Variants in RBFOX1 observed in about 807,000 individuals in gnomAD.
The protein encoded by RBFOX1 is RNA binding protein fox-1 homolog 1.
A neutral mutation model predicts 57.7 loss-of-function variants in RBFOX1; 8 were observed. The ratio of observed to expected loss-of-function variants is 0.14; its 90% CI spans 0.08 to 0.25. RBFOX1 has a LOEUF of 0.25. RBFOX1 is among the 10% of genes least tolerant of loss of function. The pLI, the probability that RBFOX1 is intolerant of heterozygous loss-of-function variation, is 1.00. For missense variants in RBFOX1, 611 were observed against 548.5 expected (o/e 1.11, Z -1.14); for synonymous variants, 326 against 222.4 (o/e 1.47, Z -4.15).
chr16:6,722,781 C>T (rs1031620101), intron 3 of RBFOX1, among the ~76,000 whole-genome samples: 27 of 152,176 alleles, frequency 1.8e-4, no homozygotes, highest in Admixed American at 9.8e-4. Flanking sequence ...GGCATATCTT[C>T]ATTTTTACAT....
chr16:6,839,614 G>GGT (rs1416214461), intron 3 of RBFOX1, among the ~76,000 whole-genome samples: 1 of 152,092 alleles, frequency 6.6e-6, no homozygotes, highest in African/African-American at 2.4e-5. Context: ...CGGGGACCTT[G>GGT]GTAGGTATTT....
intron 13 of RBFOX1, among the ~76,000 whole-genome samples, chr16:7,665,285 C>T (rs549678651): frequency 2.6e-5 from 4 of 152,230 alleles, no homozygotes; most frequent in South Asian, 4.1e-4. Context: ...CTCAAGTTCT[C>T]GATATGTTCT....
rs552568132 is a variant in RBFOX1, at chr16:7,506,184, CAAAAAAAAAAAAAAAA to C, written c.28-11945_28-11930del. 8.6e-4 allele frequency among the ~76,000 whole-genome samples: 43 copies of C among 49,952 alleles called. No individual in the cohort carries two copies. In the South Asian group the frequency reaches 0.015, roughly 18 times the overall value. 32.8% of individuals were successfully genotyped at this position (49,952 alleles called of 152,430 possible). On this transcript the variant is annotated intron_variant, in intron 4 of 15. Transcript: ENST00000550418. ...TGGGTGACAGAGCAAGACTCTGTCT[CAAAAAAAAAAAAAAAA>C]AAAAAAAAAAAAAAAAATTTCTGTA... is the stretch of plus-strand genomic sequence containing the variant.
chr16:5,969,226 A>G (rs1405280828), intron 4 of RBFOX1, among the ~76,000 whole-genome samples: 1 of 148,206 alleles, frequency 6.7e-6, no homozygotes, highest in Non-Finnish European at 1.5e-5. Flanking sequence ...ATCTGTAGAG[A>G]TTTTAGTCTG....
At chr16:7,671,187 T>G (rs1015379980) in intron 13 of RBFOX1, among the ~76,000 whole-genome samples, 1 of 152,228 alleles carries the variant, frequency 6.6e-6, no homozygotes, top group Non-Finnish European at 1.5e-5. Flanking sequence ...TCCTTAGATA[T>G]TCCAGAAAAT....
rs552541887 is a variant in RBFOX1 at position 6,230,786 on chromosome 16, T to A, written c.-126-86209T>A. On this transcript the variant is annotated intron_variant, in intron 1 of 15. Transcript: ENST00000550418. ...CTGGGAGATGAAGTCCAAGGACATT[T>A]TTAGATATGGATACGCATAGTACAA... is the stretch of plus-strand genomic sequence containing the variant. 2.0e-5 allele frequency among the ~76,000 whole-genome samples: 3 copies of A among 152,328 alleles called. No individual in the cohort carries two copies. The South Asian group carries it at 6.2e-4, about 32-fold the overall frequency.
At chr16:6,694,995 A>T (rs1028553529) in intron 3 of RBFOX1, among the ~76,000 whole-genome samples, 2 of 151,792 alleles carry the variant, frequency 1.3e-5, no homozygotes, top group Non-Finnish European at 2.9e-5. Context: ...GAAAAAAATG[A>T]CACATAGACA....
intron 1 of RBFOX1, among the ~76,000 whole-genome samples, chr16:5,448,295 T>G (rs1477111481): frequency 6.6e-6 from 1 of 152,082 alleles, no homozygotes; most frequent in Non-Finnish European, 1.5e-5. Context: ...AAACTGTTCC[T>G]CAAACTTACC....
rs185361612 is a variant in RBFOX1, at chr16:5,945,256, T to A, written c.351+77921T>A. ...GGCCCTTCGTGGGTCTTACCTTTGG[T>A]TTTAGCTAGCAGACACGAGGACCCA... On this transcript the variant is annotated intron_variant, in intron 4 of 19. Coordinates refer to the RBFOX1 transcript ENST00000641259. Among the ~76,000 whole-genome samples the A allele has an allele frequency of 5.1e-3, 777 of 152,132 alleles. 27 individuals carry two copies. The highest frequency in any genetic ancestry group is 0.047 in the Admixed American group (712 of 15,286).
At chr16:6,990,941 C>A (rs532967996) in intron 3 of RBFOX1, among the ~76,000 whole-genome samples, 1 of 152,084 alleles carries the variant, frequency 6.6e-6, no homozygotes, top group African/African-American at 2.4e-5. Context: ...ATGAGAACCA[C>A]CACATTGTTC....
At chr16:7,403,741 T>G (rs1256585058) in intron 4 of RBFOX1, among the ~76,000 whole-genome samples, 2 of 152,092 alleles carry the variant, frequency 1.3e-5, no homozygotes, top group East Asian at 3.9e-4. Context: ...AGACAGGGTT[T>G]CACCATGTTG....
At chr16:5,343,184 C>G (rs2065068153) in intron 1 of RBFOX1, among the ~76,000 whole-genome samples, 1 of 151,142 alleles carries the variant, frequency 6.6e-6, no homozygotes, top group African/African-American at 2.4e-5. Context: ...AGATGGGAGA[C>G]AAAGATAGAG....
intron 3 of RBFOX1, among the ~76,000 whole-genome samples, chr16:6,906,130 C>T (rs1596771002): frequency 6.6e-6 from 1 of 152,112 alleles, no homozygotes; most frequent in South Asian, 2.1e-4. Flanking sequence ...TAATGCCTCA[C>T]TTAGGGCTGC....
At chr16:6,973,420 T>G (rs2086038217) in intron 3 of RBFOX1, among the ~76,000 whole-genome samples, 1 of 152,214 alleles carries the variant, frequency 6.6e-6, no homozygotes, top group Non-Finnish European at 1.5e-5. Context: ...TCAGGAAGCA[T>G]TCTTCCCAGT....
intron 3 of RBFOX1, among the ~76,000 whole-genome samples, chr16:6,955,368 A>ACACG (rs2081577526): frequency 6.7e-6 from 1 of 149,526 alleles, no homozygotes; most frequent in South Asian, 2.2e-4. Context: ...ACACACACAC[A>ACACG]CACACGTGCA....
chr16:6,237,113 T>C (rs1002708446), intron 1 of RBFOX1, among the ~76,000 whole-genome samples: 7 of 152,236 alleles, frequency 4.6e-5, no homozygotes, highest in Admixed American at 2.0e-4. Flanking sequence ...TGAGCCAAAA[T>C]CATGGTACTT....
chr16:5,321,599 G>T (rs1264556795), intron 1 of RBFOX1, among the ~76,000 whole-genome samples: 2 of 152,136 alleles, frequency 1.3e-5, no homozygotes, highest in Non-Finnish European at 2.9e-5. Flanking sequence ...TTACAGGCGT[G>T]AGCCACAGCG....
At chr16:6,478,373 C>A (rs1434693485) in intron 2 of RBFOX1, among the ~76,000 whole-genome samples, 1 of 126,182 alleles carries the variant, frequency 7.9e-6, no homozygotes, top group Non-Finnish European at 1.6e-5. Context: ...CAGGTACCTG[C>A]CACTACACCC....
At position 7,532,146 on chromosome 16, in the gene RBFOX1, TC is replaced by T. The variant is rs1419375129; in HGVS notation, c.270+13758del. Among the ~76,000 whole-genome samples the T allele has an allele frequency of 1.8e-4, 27 of 147,716 alleles. 1 individual carries two copies. The South Asian group carries it at 5.6e-3, about 31-fold the overall frequency. On this transcript the variant is annotated intron_variant, in intron 5 of 15. Coordinates refer to ENST00000550418, the MANE Select transcript of RBFOX1 (RefSeq NM_018723.4). The stretch of plus-strand genomic sequence containing the variant: ...AAACTAGCTACCTTTTTTTTTTTTT[TC>T]ACTAAGAAAAGCAACGGTAGGTGTA...
Sources: allele counts gnomAD v4.1 joint callset (sites outside exome capture counted in the v4.1 genomes callset), GRCh38; gene constraint gnomAD v4.1.1; transcripts MANE v1.5; gene names NCBI Gene and HGNC (gene_info 2026-07-23, HGNC 2026-07-21).